The following MAD1L1 variants were observed in gnomAD, a reference collection of about 807,000 sequenced individuals.
MAD1L1 encodes mitotic spindle assembly checkpoint protein MAD1.
In MAD1L1, 95 loss-of-function variants were observed where a neutral mutation model predicts 96.9. The ratio of observed to expected loss-of-function variants is 0.98; its 90% CI spans 0.83 to 1.16. The LOEUF is 1.16. MAD1L1 is among the 50% of genes most tolerant of loss of function. The pLI, the probability that MAD1L1 is intolerant of heterozygous loss-of-function variation, is 0.00. For missense variants in MAD1L1, 1,007 were observed against 954.4 expected (o/e 1.06, Z -0.73); for synonymous variants, 473 against 396.6 (o/e 1.19, Z -2.29).
intron 10 of MAD1L1, among the ~76,000 whole-genome samples, chr7:2,169,028 T>C (rs1363465325): frequency 6.6e-6 from 1 of 152,122 alleles, no homozygotes; most frequent in Non-Finnish European, 1.5e-5. Context: ...AATGCAAAAA[T>C]GTGTACCCGG....
At chr7:2,071,043 G>A (rs1345944005) in intron 11 of MAD1L1, among the ~76,000 whole-genome samples, 1 of 151,708 alleles carries the variant, frequency 6.6e-6, no homozygotes, top group Non-Finnish European at 1.5e-5. Flanking sequence ...GAGGTGGTTT[G>A]GGGAAGGGAA....
At chr7:1,940,964 G>GCAGGCCCCACCCTCCTCTTCCTCTCC (rs1778941825) in intron 16 of MAD1L1, among the ~76,000 whole-genome samples, 2 of 64,324 alleles carry the variant, frequency 3.1e-5, no homozygotes, top group East Asian at 4.0e-4. Context: ...TCCTCCCCCC[G>GCAGGCCCCACCCTCCTCTTCCTCTCC]CAGGCCTCAC....
chr7:2,069,723 G>T (rs1190243301), intron 11 of MAD1L1, among the ~76,000 whole-genome samples: 2 of 152,220 alleles, frequency 1.3e-5, no homozygotes, highest in Non-Finnish European at 2.9e-5. Context: ...CCAGGCGCCT[G>T]GTTGGGGGGC....
At chr7:2,188,280 G>A (rs933874418) in intron 10 of MAD1L1, among the ~76,000 whole-genome samples, 5 of 152,318 alleles carry the variant, frequency 3.3e-5, no homozygotes, top group Non-Finnish European at 5.9e-5. Context: ...CCATCTAGAC[G>A]TTCAATGCAA....
At chr7:2,002,498 G>C (rs1205512864) in intron 13 of MAD1L1, among the ~76,000 whole-genome samples, 1 of 152,214 alleles carries the variant, frequency 6.6e-6, no homozygotes, top group East Asian at 1.9e-4. Flanking sequence ...CTTTCAGTCA[G>C]AGGAAATCAA....
chr7:1,912,107 C>T (rs1788053354), intron 17 of MAD1L1, among the ~76,000 whole-genome samples: 1 of 152,182 alleles, frequency 6.6e-6, no homozygotes, highest in Non-Finnish European at 1.5e-5. Flanking sequence ...TCCTTCTGAC[C>T]CAAAATCCTG....
chr7:1,907,753 AT>A (rs200773878), intron 17 of MAD1L1, among the ~76,000 whole-genome samples: 1 of 152,240 alleles, frequency 6.6e-6, no homozygotes, highest in African/African-American at 2.4e-5. Flanking sequence ...GTTCCTCTTA[AT>A]AAAACACATC....
rs376225495 is a variant in MAD1L1 at position 1,990,107 on chromosome 7, C to T, written c.1417-9566G>A. Among the ~76,000 whole-genome samples, 104 of 152,346 alleles carry T rather than the reference C, an allele frequency of 6.8e-4. No individual in the cohort carries two copies. In the South Asian group the frequency reaches 7.3e-3, roughly 11 times the overall value. On this transcript the variant is annotated intron_variant, in intron 14 of 18. Coordinates refer to ENST00000265854, the MANE Select transcript of MAD1L1 (RefSeq NM_001013836.2). ...GTGCCAGAGTGAGGGCGTCCACATG[C>T]GCGTGCACCCGCCGCCTCATCGCCA...
intron 11 of MAD1L1, among the ~76,000 whole-genome samples, chr7:2,069,614 C>T (rs943493741): frequency 1.3e-5 from 2 of 152,236 alleles, no homozygotes; most frequent in African/African-American, 4.8e-5. Flanking sequence ...GGCGACGCAG[C>T]CCTTCAGGAG....
chr7:1,885,959 G>A (rs935373618), intron 18 of MAD1L1, among the ~76,000 whole-genome samples: 2 of 152,220 alleles, frequency 1.3e-5, no homozygotes, highest in Non-Finnish European at 2.9e-5. Flanking sequence ...CCCATTCTAT[G>A]CCCCCAGCAG....
chr7:1,934,934 C>T (rs1336583401), intron 17 of MAD1L1, among the ~76,000 whole-genome samples: 1 of 151,040 alleles, frequency 6.6e-6, no homozygotes, highest in Non-Finnish European at 1.5e-5. Flanking sequence ...GACGGGTGAA[C>T]CCGAGACGGG....
chr7:2,158,487 T>C (rs1789947788), intron 10 of MAD1L1, among the ~76,000 whole-genome samples: 1 of 152,132 alleles, frequency 6.6e-6, no homozygotes, highest in African/African-American at 2.4e-5. Flanking sequence ...AGGCTGGGGC[T>C]CCAGCCAGAG....
At chr7:1,956,095 T>A (rs975619944) in intron 16 of MAD1L1, among the ~76,000 whole-genome samples, 1 of 152,032 alleles carries the variant, frequency 6.6e-6, no homozygotes, top group African/African-American at 2.4e-5. Context: ...CCTAAGCCGG[T>A]TCAAGGCACT....
At chr7:2,016,044 C>T (rs1426403084) in intron 12 of MAD1L1, among the ~76,000 whole-genome samples, 1 of 152,188 alleles carries the variant, frequency 6.6e-6, no homozygotes, top group Non-Finnish European at 1.5e-5. Flanking sequence ...CAACCTCCCT[C>T]CCCAAGTCTC....
chr7:1,936,645 GA>G, intron 17 of MAD1L1, 41 bp downstream of exon 17: 2 of 1,531,762 alleles, frequency 1.3e-6, no homozygotes, highest in East Asian at 4.9e-5. Flanking sequence ...CCTACCCACG[GA>G]AGGTCGAGGA....
chr7:2,004,233 C>T (rs534555769), intron 13 of MAD1L1, among the ~76,000 whole-genome samples: 5 of 152,154 alleles, frequency 3.3e-5, no homozygotes, highest in South Asian at 2.1e-4. Context: ...GGCAGTGAGA[C>T]GCACCCATGA....
rs895456745 is a variant in MAD1L1, at chr7:2,199,862, C to T, written c.986+13350G>A. The stretch of plus-strand genomic sequence containing the variant: ...ACGCCATGCTGGCCAGCAGGGCCCA[C>T]ACTCCGCACCATCCAGGTCAGCTGG... On this transcript the variant is annotated intron_variant, in intron 10 of 18. Coordinates refer to ENST00000265854, the MANE Select transcript of MAD1L1 (RefSeq NM_001013836.2). 1.8e-4 allele frequency among the ~76,000 whole-genome samples: 28 copies of T among 152,260 alleles called. 1 individual carries two copies.
intron 11 of MAD1L1, among the ~76,000 whole-genome samples, chr7:2,132,873 T>A (rs896581713): frequency 1.3e-5 from 2 of 152,216 alleles, no homozygotes; most frequent in Non-Finnish European, 2.9e-5. Context: ...AAGCAGGACC[T>A]GAGAGGAGGG....
chr7:1,909,530 G>A (rs954130412), intron 17 of MAD1L1, among the ~76,000 whole-genome samples: 1 of 152,222 alleles, frequency 6.6e-6, no homozygotes, highest in African/African-American at 2.4e-5. Context: ...AGAGACTGTA[G>A]GAGGTGGGGA....
Sources: gnomAD v4.1 joint callset for allele counts (sites outside exome capture counted in the v4.1 genomes callset) on GRCh38, gnomAD v4.1.1 for gene constraint, MANE v1.5 for transcripts, NCBI Gene and HGNC (gene_info 2026-07-23, HGNC 2026-07-21) for gene names.